The following CELF2 variants were observed in gnomAD, a reference collection of about 807,000 sequenced individuals.
CELF2 encodes the protein CUG triplet repeat RNA-binding protein 2.
Under a neutral mutation model 62.6 loss-of-function variants are expected in CELF2, and 8 were observed. That is an observed-to-expected ratio of 0.13 (90% CI 0.07 to 0.23). CELF2 has a LOEUF of 0.23. CELF2 is among the 10% of genes least tolerant of loss of function. CELF2 has a pLI of 1.00. For synonymous variants in CELF2, 258 were observed against 250.0 expected (o/e 1.03, Z -0.30); for missense variants, 333 against 671.0 (o/e 0.50, Z 5.56).
At chr10:11,027,880 C>T (rs1473471891) in intron 1 of CELF2, among the ~76,000 whole-genome samples, 1 of 152,200 alleles carries the variant, frequency 6.6e-6, no homozygotes, top group African/African-American at 2.4e-5. Context: ...GTATTACCGT[C>T]AGACTAATGT....
the CELF2 span, among the ~76,000 whole-genome samples, chr10:10,596,136 G>A: frequency 6.6e-6 from 1 of 151,984 alleles, no homozygotes; most frequent in Non-Finnish European, 1.5e-5. Context: ...ATCAAAAGTA[G>A]TTCAGAAAAA....
At chr10:10,859,479 G>T (rs759610672) in intron 1 of CELF2, among the ~76,000 whole-genome samples, 9 of 152,066 alleles carry the variant, frequency 5.9e-5, no homozygotes, top group Non-Finnish European at 1.2e-4. Flanking sequence ...ACCACAGTAT[G>T]ACCCTGTTAA....
chr10:10,999,454 C>T (rs911740950), intron 2 of CELF2, among the ~76,000 whole-genome samples: 2 of 152,078 alleles, frequency 1.3e-5, no homozygotes, highest in East Asian at 1.9e-4. Context: ...GAGAGCTATG[C>T]GATGAGCATG....
intron 1 of CELF2, among the ~76,000 whole-genome samples, chr10:10,884,793 C>T (rs1181480462): frequency 1.3e-5 from 2 of 152,234 alleles, no homozygotes; most frequent in Non-Finnish European, 1.5e-5. Context: ...CACTTCTATA[C>T]AGTGCCACTG....
chr10:11,040,368 T>A (rs2061622801), intron 1 of CELF2, among the ~76,000 whole-genome samples: 1 of 152,250 alleles, frequency 6.6e-6, no homozygotes, highest in African/African-American at 2.4e-5. Context: ...TAATCTGCTA[T>A]AATAACATCT....
chr10:10,561,768 C>T, the CELF2 span, among the ~76,000 whole-genome samples: 1 of 152,130 alleles, frequency 6.6e-6, no homozygotes, highest in East Asian at 1.9e-4. Context: ...ATCCTCCCAC[C>T]CCACCCCTTG....
intron 1 of CELF2, among the ~76,000 whole-genome samples, chr10:11,076,237 G>A (rs1357390910): frequency 6.6e-6 from 1 of 151,596 alleles, no homozygotes; most frequent in Admixed American, 6.6e-5. Context: ...TCCTCCTCGA[G>A]AAAGATTATT....
At chr10:10,974,620 C>T (rs550244922) in intron 2 of CELF2, among the ~76,000 whole-genome samples, 1 of 152,200 alleles carries the variant, frequency 6.6e-6, no homozygotes, top group Non-Finnish European at 1.5e-5. Context: ...AAACCTGAAG[C>T]TTACTTCACT....
At chr10:10,603,506 C>T in the CELF2 span, among the ~76,000 whole-genome samples, 1 of 152,160 alleles carries the variant, frequency 6.6e-6, no homozygotes, top group Non-Finnish European at 1.5e-5. Flanking sequence ...GCAATCTAAA[C>T]TCTTCTTATT....
At chr10:10,832,703 C>T (rs2082265438) in intron 1 of CELF2, among the ~76,000 whole-genome samples, 1 of 152,126 alleles carries the variant, frequency 6.6e-6, no homozygotes, top group Non-Finnish European at 1.5e-5. Flanking sequence ...GGACCTTTTC[C>T]CTAGGGTCCT....
At chr10:10,906,717 C>CTTTTTTTTTTTTTTTT (rs397846553) in intron 1 of CELF2, among the ~76,000 whole-genome samples, 6 of 109,284 alleles carry the variant, frequency 5.5e-5, no homozygotes, top group Non-Finnish European at 1.0e-4. Flanking sequence ...TTTTTCTTTT[C>CTTTTTTTTTTTTTTTT]TTTTTTTTTT....
At chr10:10,964,157 T>A (rs2049866258) in intron 2 of CELF2, among the ~76,000 whole-genome samples, 1 of 152,230 alleles carries the variant, frequency 6.6e-6, no homozygotes, top group Admixed American at 6.5e-5. Flanking sequence ...AAGTTTGTAG[T>A]TAAACTCTCC....
the CELF2 span, among the ~76,000 whole-genome samples, chr10:10,716,991 G>A: frequency 1.3e-5 from 2 of 152,226 alleles, no homozygotes; most frequent in Middle Eastern, 3.4e-3. Context: ...TAAAGCATGC[G>A]GGCACGTGAA....
chr10:10,868,377 T>G (rs2060516760), intron 1 of CELF2, among the ~76,000 whole-genome samples: 1 of 152,172 alleles, frequency 6.6e-6, no homozygotes, highest in African/African-American at 2.4e-5. Flanking sequence ...GGCCCCTCCA[T>G]GTGATTTGGG....
chr10:11,258,979 C>A (rs2079640350), intron 5 of CELF2, among the ~76,000 whole-genome samples: 1 of 152,240 alleles, frequency 6.6e-6, no homozygotes, highest in Non-Finnish European at 1.5e-5. Context: ...CCACCGCACC[C>A]AGCCTGTGTT....
At position 11,178,401 on chromosome 10, in the gene CELF2, C is replaced by T. The variant is rs2133930188; in HGVS notation, c.271+12719C>T. Among the ~76,000 whole-genome samples the T allele has an allele frequency of 6.6e-6, 1 of 152,352 alleles. No homozygotes were observed. The highest frequency in any genetic ancestry group is 1.9e-4 in the East Asian group (1 of 5,188). ...ACACGGGGCCCTTCCACCAGGCCCA[C>T]TCCCTGCAAAGGAAGTGCTTCCGAG... On this transcript the variant is annotated intron_variant, in intron 2 of 12. Transcript: ENST00000633077. This position sits in a 1 kb window ranked among gnomAD's most constrained non-coding sequence, Gnocchi z 4.3.
the CELF2 span, among the ~76,000 whole-genome samples, chr10:10,625,813 C>T: frequency 8.4e-3 from 1,278 of 152,298 alleles, 10 homozygotes; most frequent in Non-Finnish European, 0.011. Context: ...GGAACAGGGT[C>T]GATCTGAGTG....
At chr10:11,190,779 A>T (rs2076128884) in intron 2 of CELF2, among the ~76,000 whole-genome samples, 2 of 135,650 alleles carry the variant, frequency 1.5e-5, no homozygotes, top group African/African-American at 5.7e-5. Flanking sequence ...TTTCTTTAAA[A>T]AAAAAAAAAA....
intron 8 of CELF2, among the ~76,000 whole-genome samples, chr10:11,276,060 C>T (rs2085968142): frequency 3.3e-5 from 5 of 152,118 alleles, no homozygotes; most frequent in Non-Finnish European, 7.4e-5. Flanking sequence ...CAGAATGAAG[C>T]GTTTTTTCGT....
Sources: allele counts gnomAD v4.1 joint callset (sites outside exome capture counted in the v4.1 genomes callset), GRCh38; gene constraint gnomAD v4.1.1; non-coding constraint Gnocchi (gnomAD v3.1); transcripts MANE v1.5; gene names NCBI Gene and HGNC (gene_info 2026-07-23, HGNC 2026-07-21).